Variants in VTI1A observed in about 807,000 individuals in gnomAD.
VTI1A encodes the protein vesicle transport through interaction with t-SNAREs 1A, also known as vesicle transport through interaction with t-SNAREs homolog 1A.
A neutral mutation model predicts 34.9 loss-of-function variants in VTI1A; 22 were observed. The observed-to-expected ratio is 0.63, with a 90% confidence interval of 0.45 to 0.90. The LOEUF is 0.90. VTI1A is among the 40% of genes least tolerant of loss of function. The pLI is 0.00. For synonymous variants in VTI1A, 87 were observed against 97.3 expected, an observed-to-expected ratio of 0.89 and a Z score of 0.62; for missense variants, 268 against 275.6, an observed-to-expected ratio of 0.97 and a Z score of 0.20.
intron 7 of VTI1A, among the ~76,000 whole-genome samples, chr10:112,715,605 AC>A (rs1849581626): frequency 6.6e-6 from 1 of 152,058 alleles, no homozygotes; most frequent in Non-Finnish European, 1.5e-5. Context: ...ACTTTATCTC[AC>A]GCTTTTCATC....
Position 112,753,595 on chromosome 10 carries a change from G to A in VTI1A, c.561-61695G>A, listed in dbSNP as rs191907215. On this transcript the variant is annotated intron_variant, in intron 7 of 7. Transcript: ENST00000393077. ...CCATCATTGTTTTCATTGGCCATTC[G>A]GAGATATAATTTGGTGATGAAAATT... 1.6e-3 allele frequency among the ~76,000 whole-genome samples: 240 copies of A among 152,142 alleles called. 3 individuals carry two copies. Among genetic ancestry groups the A allele is most frequent in the Admixed American group, 0.013 (198 of 15,282 alleles).
At chr10:112,600,839 C>T (rs1844849194) in intron 5 of VTI1A, among the ~76,000 whole-genome samples, 1 of 152,202 alleles carries the variant, frequency 6.6e-6, no homozygotes, top group South Asian at 2.1e-4. Context: ...TAGTTGCAGA[C>T]ATTCATTTAA....
intron 5 of VTI1A, among the ~76,000 whole-genome samples, chr10:112,657,161 G>A (rs1334492790): frequency 6.6e-6 from 1 of 152,112 alleles, no homozygotes; most frequent in Non-Finnish European, 1.5e-5. Flanking sequence ...TTACTTTATA[G>A]GAATGTGAGA....
At chr10:112,646,021 T>C (rs1428575115) in intron 5 of VTI1A, among the ~76,000 whole-genome samples, 1 of 151,470 alleles carries the variant, frequency 6.6e-6, no homozygotes, top group African/African-American at 2.4e-5. Flanking sequence ...GAATGCTATC[T>C]TCTTATCATC....
At chr10:112,482,502 G>T (rs2134100573) in intron 3 of VTI1A, among the ~76,000 whole-genome samples, 1 of 152,178 alleles carries the variant, frequency 6.6e-6, no homozygotes, top group South Asian at 2.1e-4. Flanking sequence ...TAATTCGAAT[G>T]AAAAATGGCC....
chr10:112,539,192 T>C (rs1263918916), intron 5 of VTI1A, among the ~76,000 whole-genome samples: 1 of 152,216 alleles, frequency 6.6e-6, no homozygotes, highest in Non-Finnish European at 1.5e-5. Flanking sequence ...GCCCAATGTG[T>C]AAACCACAAA....
chr10:112,815,337 T>G lies in VTI1A; in HGVS notation c.608T>G (p.Val203Gly), dbSNP rs377156614. 6.8e-5 allele frequency: 110 copies of G among 1,614,030 alleles called. 1 individual carries two copies. The Middle Eastern group carries it at 2.5e-3, about 36-fold the overall frequency. The change falls in exon 8 of 8, where the codon GTC becomes GGC. Residue 203 changes from valine (V) to glycine (G), a missense_variant. Transcript: ENST00000393077. The part of the protein sequence containing the change: ...ILLVILGIIV[V>G]ITILMAITFS... ...CTCGTCATCCTAGGGATCATCGTGG[T>G]CATCACCATCCTGATGGCGATCACT...
At chr10:112,756,749 T>C (rs750420674) in intron 7 of VTI1A, among the ~76,000 whole-genome samples, 7 of 152,130 alleles carry the variant, frequency 4.6e-5, no homozygotes, top group Non-Finnish European at 8.8e-5. Flanking sequence ...GCCTGCTTTC[T>C]TTAAGATGTA....
chr10:112,644,921 A>G (rs1243368715), intron 5 of VTI1A, among the ~76,000 whole-genome samples: 1 of 152,226 alleles, frequency 6.6e-6, no homozygotes, highest in Non-Finnish European at 1.5e-5. Flanking sequence ...GTAACAAAAT[A>G]GTACAATTAT....
rs571779145 is a variant in VTI1A, at chr10:112,564,595, A to AC, written c.427+26271dup. On this transcript the variant is annotated intron_variant, in intron 5 of 7. Coordinates refer to ENST00000393077, the MANE Select transcript of VTI1A (RefSeq NM_145206.4). ...ACAGCTTAAGTAAATTTACAGGGTT[A>AC]CCCCCCTTTTTTTAAATAATGGAGA... 3.2e-4 allele frequency among the ~76,000 whole-genome samples: 49 copies of AC among 152,072 alleles called. 1 individual carries two copies. The South Asian group carries it at 9.1e-3, about 28-fold the overall frequency.
chr10:112,692,441 A>T (rs533959603), intron 7 of VTI1A, among the ~76,000 whole-genome samples: 2 of 152,210 alleles, frequency 1.3e-5, no homozygotes, highest in South Asian at 4.2e-4. Flanking sequence ...ATGGCATCTT[A>T]CTTCAGGCCC....
chr10:112,714,116 C>T (rs887811423), intron 7 of VTI1A, among the ~76,000 whole-genome samples: 11 of 152,182 alleles, frequency 7.2e-5, no homozygotes, highest in African/African-American at 2.7e-4. Flanking sequence ...CCTTGAAAGA[C>T]ACTACTGCTA....
intron 5 of VTI1A, among the ~76,000 whole-genome samples, chr10:112,610,849 G>T (rs1480086335): frequency 6.6e-6 from 1 of 152,162 alleles, no homozygotes; most frequent in African/African-American, 2.4e-5. Context: ...AACCCGGGAG[G>T]CGGAGCTTGC....
intron 7 of VTI1A, among the ~76,000 whole-genome samples, chr10:112,788,719 A>G (rs772971480): frequency 1.4e-4 from 22 of 151,902 alleles, no homozygotes; most frequent in Non-Finnish European, 2.8e-4. Flanking sequence ...TTTGTTTTCT[A>G]TATTCCTTAT....
intron 3 of VTI1A, among the ~76,000 whole-genome samples, chr10:112,511,146 G>A (rs897083680): frequency 6.6e-6 from 1 of 151,912 alleles, no homozygotes; most frequent in Non-Finnish European, 1.5e-5. Flanking sequence ...GTACAAAGAA[G>A]AACATACACT....
intron 4 of VTI1A, among the ~76,000 whole-genome samples, chr10:112,531,969 T>G (rs542530510): frequency 1.1e-4 from 16 of 152,180 alleles, no homozygotes; most frequent in Non-Finnish European, 2.1e-4. Flanking sequence ...ACTGGATGGT[T>G]GCTGAGTGTG....
chr10:112,679,017 G>A (rs1848124826), intron 7 of VTI1A, among the ~76,000 whole-genome samples: 1 of 151,918 alleles, frequency 6.6e-6, no homozygotes, highest in Non-Finnish European at 1.5e-5. Flanking sequence ...TTTATTATGC[G>A]GCAATTGATA....
intron 5 of VTI1A, among the ~76,000 whole-genome samples, chr10:112,655,538 A>G (rs930254874): frequency 2.9e-5 from 4 of 136,196 alleles, no homozygotes; most frequent in Non-Finnish European, 6.6e-5. Flanking sequence ...TGTACTGTCA[A>G]AAAAAAAAAA....
chr10:112,633,801 T>G (rs1241055697), intron 5 of VTI1A, among the ~76,000 whole-genome samples: 1 of 152,106 alleles, frequency 6.6e-6, no homozygotes, highest in Non-Finnish European at 1.5e-5. Flanking sequence ...AGCTTATACT[T>G]TGCAGTTTAG....
Sources: gnomAD v4.1 joint callset for allele counts (sites outside exome capture counted in the v4.1 genomes callset) on GRCh38, gnomAD v4.1.1 for gene constraint, MANE v1.5 for transcripts, NCBI Gene and HGNC (gene_info 2026-07-23, HGNC 2026-07-21) for gene names.